The following ABCA13 variants were observed in gnomAD, a reference collection of about 807,000 sequenced individuals.
The protein encoded by ABCA13 is ATP-binding cassette sub-family A member 13.
ABCA13 carries 476 observed loss-of-function variants against 478.7 expected under a neutral mutation model. The ratio of observed to expected loss-of-function variants is 0.99; its 90% CI spans 0.92 to 1.07. The LOEUF (loss-of-function observed/expected upper bound fraction) is 1.07. ABCA13 is among the 50% of genes least tolerant of loss of function. ABCA13 has a pLI of 0.00. For synonymous variants in ABCA13, 2,252 were observed against 2,158.9 expected, an observed-to-expected ratio of 1.04 and a Z score of -1.20; for missense variants, 6,060 against 5,910.6, an observed-to-expected ratio of 1.03 and a Z score of -0.83.
intron 41 of ABCA13, among the ~76,000 whole-genome samples, chr7:48,421,036 T>C (rs1012721193): frequency 2.0e-5 from 3 of 152,178 alleles, no homozygotes; most frequent in African/African-American, 7.2e-5. Flanking sequence ...TATGCATTTT[T>C]AGTTGGCATA....
chr7:48,406,499 G>A (rs1585183702), intron 39 of ABCA13, among the ~76,000 whole-genome samples: 1 of 152,332 alleles, frequency 6.6e-6, no homozygotes, highest in East Asian at 1.9e-4. Flanking sequence ...GGCGAATGTG[G>A]GAAGCGCAGC....
intron 20 of ABCA13, among the ~76,000 whole-genome samples, chr7:48,288,556 G>A (rs963106219): frequency 3.9e-5 from 6 of 152,090 alleles, no homozygotes; most frequent in Admixed American, 6.5e-5. Context: ...CCTTCTCTAC[G>A]TTTAATGACG....
At chr7:48,430,286 T>A (rs9632787) in intron 42 of ABCA13, among the ~76,000 whole-genome samples, 41,807 of 152,118 alleles carry the variant, frequency 0.27, 5,899 homozygotes, top group East Asian at 0.37. Flanking sequence ...TTTCTAGGAA[T>A]CTGTCCATTT....
intron 1 of ABCA13, among the ~76,000 whole-genome samples, chr7:48,182,305 ACT>A (rs1358163113): frequency 6.6e-6 from 1 of 152,166 alleles, no homozygotes; most frequent in East Asian, 1.9e-4. Context: ...TATTAAAATA[ACT>A]CTTTTATACA....
intron 42 of ABCA13, among the ~76,000 whole-genome samples, chr7:48,428,157 C>G (rs980884132): frequency 1.3e-5 from 2 of 152,036 alleles, no homozygotes; most frequent in African/African-American, 4.8e-5. Context: ...GAATAATGAC[C>G]ATCATTCATC....
Position 48,313,090 on chromosome 7 carries a change from T to A in ABCA13, c.9540T>A (p.Asn3180Lys), listed in dbSNP as rs1362599781. The change falls in exon 25 of 62, where the codon AAT (asparagine) becomes AAA (lysine). Residue 3180 changes from asparagine (N) to lysine (K), a missense_variant. Physicochemically the swap from Asn to Lys is moderately conservative, Grantham distance 94 (BLOSUM62 0). Coordinates refer to ENST00000435803, the MANE Select transcript of ABCA13 (RefSeq NM_152701.5). ...AGACTCTGATGCCTTCTGAAGCAAA[T>A]GGCTTGCTCAACTCCTTGCTGGATA... is the stretch of plus-strand genomic sequence containing the variant. Reference protein sequence around the residue: ...IYKTLMPSEANGLLNSLLDIV... With the variant: ...IYKTLMPSEAKGLLNSLLDIV... The A allele has an allele frequency of 1.2e-6, 2 of 1,601,060 alleles. No homozygotes were observed. The highest frequency in any genetic ancestry group is 1.7e-6 in the Non-Finnish European group (2 of 1,174,030).
chr7:48,457,605 G>A (rs1280455522), intron 43 of ABCA13, among the ~76,000 whole-genome samples: 1 of 152,174 alleles, frequency 6.6e-6, no homozygotes, highest in African/African-American at 2.4e-5. Flanking sequence ...ATTTCTAAGA[G>A]TTACTATTTT....
chr7:48,566,713 G>T (rs1585832017), intron 55 of ABCA13, among the ~76,000 whole-genome samples: 1 of 152,146 alleles, frequency 6.6e-6, no homozygotes. Flanking sequence ...AATGGGTCCT[G>T]TTCACTTAAA....
rs1043197281 is a variant in ABCA13, at chr7:48,234,093, T to A, written c.839T>A (p.Phe280Tyr). The change falls in exon 8 of 62, where the codon TTT becomes TAT. Residue 280 changes from phenylalanine to tyrosine, a missense_variant. Phe to Tyr is a conservative substitution (Grantham distance 22, BLOSUM62 3). This residue lies in a region of ABCA13 where 4,423 missense variants were observed against 4,309.1 expected (regional missense o/e 1.03). Transcript: ENST00000435803. ...GTCCAGTATGATCTCAAATCCCAGT[T>A]TGGCTTTGATGATCTTCACACGGAA... ...QKVQYDLKSQFGFDDLHTEQI... is the reference protein window; with the variant it reads ...QKVQYDLKSQYGFDDLHTEQI... 1.1e-5 allele frequency: 18 copies of A among 1,614,018 alleles called. No homozygotes were observed. The highest frequency in any genetic ancestry group is 1.5e-5 in the Non-Finnish European group (18 of 1,179,890).
At chr7:48,576,643 G>A (rs1376184710) in intron 55 of ABCA13, among the ~76,000 whole-genome samples, 1 of 152,134 alleles carries the variant, frequency 6.6e-6, no homozygotes, top group Non-Finnish European at 1.5e-5. Context: ...CACCACATCA[G>A]TGGTGCTCCT....
intron 59 of ABCA13, among the ~76,000 whole-genome samples, chr7:48,639,828 T>A (rs765792727): frequency 6.6e-6 from 1 of 152,198 alleles, no homozygotes; most frequent in Non-Finnish European, 1.5e-5. Flanking sequence ...AGTTCCTAAA[T>A]AAATGATTTT....
intron 8 of ABCA13, among the ~76,000 whole-genome samples, chr7:48,237,339 C>A (rs954024185): frequency 6.6e-6 from 1 of 152,056 alleles, no homozygotes; most frequent in Non-Finnish European, 1.5e-5. Context: ...AATCTTGTGG[C>A]CTTTTATTAG....
At chr7:48,451,671 T>C (rs1825056199) in intron 42 of ABCA13, among the ~76,000 whole-genome samples, 1 of 152,236 alleles carries the variant, frequency 6.6e-6, no homozygotes, top group Non-Finnish European at 1.5e-5. Context: ...GAAAGCATTA[T>C]GTTTGTAAAG....
Position 48,273,400 on chromosome 7 carries a change from T to TA in ABCA13, c.3741dup (p.Leu1248ThrfsTer2), listed in dbSNP as rs1795884070. Reference sequence around the variant, plus strand: ...GCTTTAGGTAATGCATTAGTTTCAGTAAAAAAACTTAACTTGGAGCAAGTG... The same window carrying TA: ...GCTTTAGGTAATGCATTAGTTTCAGTAAAAAAAACTTAACTTGGAGCAAGTG... On this transcript the variant is annotated frameshift_variant, in exon 17 of 62. Coordinates refer to ENST00000435803, the MANE Select transcript of ABCA13 (RefSeq NM_152701.5). LOFTEE classifies it high-confidence loss of function. 5 of 1,613,456 alleles carry TA rather than the reference T, an allele frequency of 3.1e-6. No homozygotes were observed. The highest frequency in any genetic ancestry group is 1.1e-5 in the South Asian group (1 of 91,036).
intron 27 of ABCA13, among the ~76,000 whole-genome samples, chr7:48,320,762 A>T (rs1803331194): frequency 6.6e-6 from 1 of 152,226 alleles, no homozygotes; most frequent in Non-Finnish European, 1.5e-5. Flanking sequence ...TGCACAAAGT[A>T]GGTTTAGTCT....
chr7:48,453,660 C>G (rs1176175454), intron 42 of ABCA13, among the ~76,000 whole-genome samples: 1 of 152,208 alleles, frequency 6.6e-6, no homozygotes, highest in African/African-American at 2.4e-5. Flanking sequence ...TGCCTGTAAA[C>G]TCCCAGGGAT....
chr7:48,215,072 G>A (rs1228141914), intron 3 of ABCA13, among the ~76,000 whole-genome samples: 1 of 152,056 alleles, frequency 6.6e-6, no homozygotes, highest in Non-Finnish European at 1.5e-5. Context: ...CTGAGATTGT[G>A]CTACTGCTCT....
At chr7:48,388,072 A>G (rs1815464887) in intron 36 of ABCA13, 113 bp downstream of exon 36, 7 of 1,153,220 alleles carry the variant, frequency 6.1e-6, no homozygotes, top group African/African-American at 3.1e-5. Flanking sequence ...ATTCCTAGAG[A>G]GACTTACATT....
At chr7:48,325,439 T>G (rs138006789) in intron 27 of ABCA13, among the ~76,000 whole-genome samples, 2,077 of 152,286 alleles carry the variant, frequency 0.014, 19 homozygotes, top group Admixed American at 0.019. Context: ...CAGCATCACA[T>G]CCCAAGAGGC....
Sources: allele counts gnomAD v4.1 joint callset (sites outside exome capture counted in the v4.1 genomes callset), GRCh38; gene constraint gnomAD v4.1.1; regional missense constraint gnomAD v4.1.1; transcripts MANE v1.5; gene names NCBI Gene and HGNC (gene_info 2026-07-23, HGNC 2026-07-21).